The following CENPP variants were observed in gnomAD, a reference collection of about 807,000 sequenced individuals.
CENPP encodes centromere protein P.
Under a neutral mutation model 35.6 loss-of-function variants are expected in CENPP, and 24 were observed. The ratio of observed to expected loss-of-function variants is 0.67; its 90% confidence interval spans 0.49 to 0.95. The LOEUF is 0.95. Ranked by LOEUF, CENPP falls within the 40% of genes least tolerant of loss-of-function variation. CENPP has a pLI of 0.00. For missense variants in CENPP, 332 were observed against 345.3 expected (o/e 0.96, Z 0.31); for synonymous variants, 120 against 125.5 (o/e 0.96, Z 0.29).
chr9:92,394,977 T>G (rs1490060243), intron 5 of CENPP, among the ~76,000 whole-genome samples: 2 of 151,154 alleles, frequency 1.3e-5, no homozygotes, highest in Non-Finnish European at 3.0e-5. Flanking sequence ...AATCTGTGTT[T>G]ATTTTAATAG....
intron 5 of CENPP, among the ~76,000 whole-genome samples, chr9:92,559,329 G>A (rs1230523711): frequency 6.6e-6 from 1 of 152,132 alleles, no homozygotes; most frequent in African/African-American, 2.4e-5. Flanking sequence ...ATTTCACTGG[G>A]CTCTCTAACT....
intron 5 of CENPP, among the ~76,000 whole-genome samples, chr9:92,386,763 T>C (rs1423874591): frequency 6.6e-6 from 1 of 152,128 alleles, no homozygotes; most frequent in Non-Finnish European, 1.5e-5. Flanking sequence ...TGTATGTTTT[T>C]AGTAGAGACG....
intron 5 of CENPP, among the ~76,000 whole-genome samples, chr9:92,381,583 A>G (rs1447673074): frequency 6.6e-6 from 1 of 152,170 alleles, no homozygotes; most frequent in African/African-American, 2.4e-5. Flanking sequence ...TTAAGGCTGG[A>G]TCATATTCCA....
At chr9:92,397,848 TATACTCATGTATAC>T (rs1347103080) in intron 5 of CENPP, among the ~76,000 whole-genome samples, 7 of 152,228 alleles carry the variant, frequency 4.6e-5, no homozygotes, top group African/African-American at 1.7e-4. Context: ...ATGTATACCA[TATACTCATGTATAC>T]ATACACACAC....
intron 5 of CENPP, among the ~76,000 whole-genome samples, chr9:92,431,344 G>T (rs1255000186): frequency 6.6e-6 from 1 of 152,094 alleles, no homozygotes; most frequent in Non-Finnish European, 1.5e-5. Flanking sequence ...TGCACTGTTG[G>T]CATTTGATGT....
chr9:92,608,891 G>A (rs1263461459), intron 5 of CENPP, among the ~76,000 whole-genome samples: 5 of 152,230 alleles, frequency 3.3e-5, no homozygotes, highest in Non-Finnish European at 7.3e-5. Flanking sequence ...GCCCAGGGAG[G>A]CAGAGAGCTG....
At chr9:92,366,049 G>A (rs1212420644) in intron 4 of CENPP, among the ~76,000 whole-genome samples, 12 of 151,636 alleles carry the variant, frequency 7.9e-5, no homozygotes, top group Non-Finnish European at 4.4e-5. Context: ...GCGCGGTGGC[G>A]GGCACCTGTA....
intron 5 of CENPP, among the ~76,000 whole-genome samples, chr9:92,430,712 C>T (rs1351690549): frequency 6.6e-6 from 1 of 152,034 alleles, no homozygotes; most frequent in Non-Finnish European, 1.5e-5. Flanking sequence ...GTTACTTCTG[C>T]ATTTGCTGAA....
At chr9:92,517,978 G>A in intron 5 of CENPP, 1 of 1,336,694 alleles carries the variant, frequency 7.5e-7, no homozygotes, top group Non-Finnish European at 1.0e-6. Flanking sequence ...AACCACACAA[G>A]AATAGAATTC....
intron 5 of CENPP, among the ~76,000 whole-genome samples, chr9:92,441,240 C>G (rs1844379702): frequency 6.6e-6 from 1 of 152,096 alleles, no homozygotes; most frequent in Non-Finnish European, 1.5e-5. Flanking sequence ...ATACATATAT[C>G]AAACATCAAT....
chr9:92,327,651 A>G (rs1214305365), intron 1 of CENPP, among the ~76,000 whole-genome samples: 1 of 152,246 alleles, frequency 6.6e-6, no homozygotes, highest in African/African-American at 2.4e-5. Flanking sequence ...ACCTGTTAGA[A>G]CAAGTCCATG....
intron 5 of CENPP, among the ~76,000 whole-genome samples, chr9:92,567,424 A>G (rs1850023959): frequency 6.8e-6 from 1 of 147,390 alleles, no homozygotes; most frequent in African/African-American, 2.5e-5. Context: ...GTTAGTGATT[A>G]GATTAATTAG....
chr9:92,462,583 A>G (rs1208664678), intron 5 of CENPP, among the ~76,000 whole-genome samples: 1 of 152,246 alleles, frequency 6.6e-6, no homozygotes, highest in Non-Finnish European at 1.5e-5. Context: ...TTAGCAATAA[A>G]GACGGATGAA....
chr9:92,398,472 C>A (rs1842981491), intron 5 of CENPP, among the ~76,000 whole-genome samples: 1 of 152,102 alleles, frequency 6.6e-6, no homozygotes, highest in African/African-American at 2.4e-5. Flanking sequence ...CAAGCAGATA[C>A]ATATATATTT....
intron 5 of CENPP, among the ~76,000 whole-genome samples, chr9:92,485,607 A>T (rs1846036355): frequency 6.6e-6 from 1 of 152,224 alleles, no homozygotes. Context: ...CCTGGTCTAG[A>T]CATGGACAAC....
rs149148413 is a variant in CENPP, at chr9:92,416,822, G to T, written c.564+36963G>T. The stretch of plus-strand genomic sequence containing the variant: ...GTCGAAGTATTTTTCGGGTATAGAA[G>T]AAATTGAATTATTTTCTAAAGACAG... On this transcript the variant is annotated intron_variant, in intron 5 of 7. Coordinates refer to ENST00000375587, the MANE Select transcript of CENPP (RefSeq NM_001012267.3). The T allele has an allele frequency of 2.6e-4, 417 of 1,613,764 alleles. No individual in the cohort carries two copies. The highest frequency in any genetic ancestry group is 3.4e-4 in the Non-Finnish European group (405 of 1,179,850).
At chr9:92,576,076 C>T (rs1470105019) in intron 5 of CENPP, among the ~76,000 whole-genome samples, 2 of 152,074 alleles carry the variant, frequency 1.3e-5, no homozygotes, top group African/African-American at 4.8e-5. Flanking sequence ...CATTATTCAC[C>T]GTAGCTATAA....
chr9:92,512,149 T>G, intron 5 of CENPP: 1 of 1,561,208 alleles, frequency 6.4e-7, no homozygotes. Flanking sequence ...GCGGTTATGT[T>G]TTAGGCATGT....
intron 5 of CENPP, among the ~76,000 whole-genome samples, chr9:92,489,424 A>G (rs548967267): frequency 1.3e-5 from 2 of 152,328 alleles, no homozygotes; most frequent in African/African-American, 2.4e-5. Flanking sequence ...CTGTCTTGCT[A>G]TACTGTTGGT....
Sources: gnomAD v4.1 joint callset for allele counts (sites outside exome capture counted in the v4.1 genomes callset) on GRCh38, gnomAD v4.1.1 for gene constraint, MANE v1.5 for transcripts, NCBI Gene and HGNC (gene_info 2026-07-23, HGNC 2026-07-21) for gene names.